Variants in MSI2 observed in about 807,000 individuals in gnomAD.
MSI2 encodes RNA-binding protein Musashi homolog 2.
In MSI2, 17 loss-of-function variants were observed where a neutral mutation model predicts 45.6. The ratio of observed to expected loss-of-function variants is 0.37; its 90% CI spans 0.26 to 0.56. The LOEUF is 0.56. Among genes scored for constraint, MSI2 ranks in the 20% least tolerant of loss-of-function variants. MSI2 has a pLI of 0.77. For missense variants in MSI2, 293 were observed against 444.2 expected, an observed-to-expected ratio of 0.66 and a Z score of 3.06; for synonymous variants, 156 against 158.2, an observed-to-expected ratio of 0.99 and a Z score of 0.11.
intron 10 of MSI2, among the ~76,000 whole-genome samples, chr17:57,633,707 G>A (rs952689751): frequency 1.3e-5 from 2 of 152,202 alleles, no homozygotes; most frequent in African/African-American, 4.8e-5. Flanking sequence ...AGCAAGTCAT[G>A]TATCCCTCCA....
intron 7 of MSI2, among the ~76,000 whole-genome samples, chr17:57,532,702 G>A (rs2086846946): frequency 6.6e-6 from 1 of 152,134 alleles, no homozygotes; most frequent in Admixed American, 6.5e-5. Context: ...TCACCTCCTC[G>A]GTTCCTGCTG....
Position 57,458,049 on chromosome 17 carries a change from A to G in MSI2, c.405+56578A>G, listed in dbSNP as rs148958569. ...ATAGATATCAGATACCATATTGCAT[A>G]TATATAAGTACATATTTTAATAAAC... On this transcript the variant is annotated intron_variant, in intron 6 of 13. Coordinates refer to ENST00000284073, the MANE Select transcript of MSI2 (RefSeq NM_138962.4). Among the ~76,000 whole-genome samples the G allele has an allele frequency of 2.3e-4, 35 of 152,164 alleles. 1 individual carries two copies. The East Asian group carries it at 6.7e-3, about 29-fold the overall frequency.
At chr17:57,452,278 G>C (rs1388144138) in intron 6 of MSI2, among the ~76,000 whole-genome samples, 1 of 152,242 alleles carries the variant, frequency 6.6e-6, no homozygotes, top group Non-Finnish European at 1.5e-5. Context: ...TCTCCACCAG[G>C]AGAGCAGGGA....
intron 5 of MSI2, among the ~76,000 whole-genome samples, chr17:57,334,445 T>C (rs1423550057): frequency 6.6e-6 from 1 of 152,148 alleles, no homozygotes; most frequent in Non-Finnish European, 1.5e-5. Flanking sequence ...GGCTGAGGAC[T>C]GGCAGGGCAG....
At chr17:57,379,943 T>C (rs2083570763) in intron 5 of MSI2, among the ~76,000 whole-genome samples, 1 of 152,250 alleles carries the variant, frequency 6.6e-6, no homozygotes, top group South Asian at 2.1e-4. Context: ...TTCTTTTTTT[T>C]GTTTTCCTTT....
chr17:57,544,803 T>G (rs557860140), intron 7 of MSI2, among the ~76,000 whole-genome samples: 1 of 152,296 alleles, frequency 6.6e-6, no homozygotes, highest in African/African-American at 2.4e-5. Flanking sequence ...TGAAGGGTGA[T>G]GTTTCTATTT....
chr17:57,568,566 T>G (rs551572147), intron 7 of MSI2, among the ~76,000 whole-genome samples: 7 of 152,364 alleles, frequency 4.6e-5, no homozygotes, highest in Non-Finnish European at 5.9e-5. Flanking sequence ...ACTTTCTTGC[T>G]GATTAATGGC....
intron 5 of MSI2, among the ~76,000 whole-genome samples, chr17:57,396,925 A>G (rs1368482427): frequency 6.6e-6 from 1 of 152,174 alleles, no homozygotes. Context: ...TCGGGTAGGT[A>G]TCTGGTGTCT....
intron 5 of MSI2, among the ~76,000 whole-genome samples, chr17:57,307,147 G>A (rs1911989552): frequency 6.6e-6 from 1 of 152,210 alleles, no homozygotes; most frequent in African/African-American, 2.4e-5. Flanking sequence ...AACCCCCTGT[G>A]ATTAATTTCA....
intron 10 of MSI2, among the ~76,000 whole-genome samples, chr17:57,639,460 G>C (rs1910082503): frequency 6.6e-6 from 1 of 152,192 alleles, no homozygotes; most frequent in Non-Finnish European, 1.5e-5. Flanking sequence ...TCAAACCCAG[G>C]GAATCCCGGA....
At chr17:57,507,225 CTGTGTGTGTGTGTGTGTGTGTG>C (rs71140002) in intron 6 of MSI2, among the ~76,000 whole-genome samples, 6 of 51,182 alleles carry the variant, frequency 1.2e-4, no homozygotes, top group East Asian at 5.2e-4. Flanking sequence ...CTTTGTCTCT[CTGTGTGTGTGTGTGTGTGTGTG>C]TGTGTGTGTG....
chr17:57,678,693 G>A (rs942758247), intron 13 of MSI2, among the ~76,000 whole-genome samples: 15 of 152,252 alleles, frequency 9.9e-5, no homozygotes, highest in African/African-American at 3.4e-4. Flanking sequence ...GGAATGGGAT[G>A]GGGGAGGCTG....
intron 10 of MSI2, among the ~76,000 whole-genome samples, chr17:57,638,865 G>A (rs575980324): frequency 1.3e-5 from 2 of 152,180 alleles, no homozygotes; most frequent in African/African-American, 4.8e-5. Flanking sequence ...TTGTGCCACT[G>A]CATTCCAGCC....
At chr17:57,484,585 C>A (rs987308646) in intron 6 of MSI2, among the ~76,000 whole-genome samples, 2 of 152,214 alleles carry the variant, frequency 1.3e-5, no homozygotes, top group African/African-American at 4.8e-5. Context: ...GCCTTAAAAA[C>A]AACTGTGTTC....
chr17:57,597,600 T>C (rs1364519527), intron 8 of MSI2, among the ~76,000 whole-genome samples: 1 of 151,934 alleles, frequency 6.6e-6, no homozygotes, highest in Admixed American at 6.6e-5. Flanking sequence ...TACTCCAGCC[T>C]GGGCAACAAA....
chr17:57,572,842 T>C (rs902600259), intron 7 of MSI2, among the ~76,000 whole-genome samples: 2 of 152,288 alleles, frequency 1.3e-5, no homozygotes, highest in African/African-American at 4.8e-5. Flanking sequence ...TGGATTCAGG[T>C]TTCTGTTGTA....
At chr17:57,663,098 AGCCCCGCCCGGCCTTAGGGCTGGGAG>A (rs1448458394) in intron 11 of MSI2, among the ~76,000 whole-genome samples, 10 of 152,062 alleles carry the variant, frequency 6.6e-5, no homozygotes, top group African/African-American at 2.4e-4. Context: ...GTCGCTGGGA[AGCCCCGCCCGGCCTTAGGGCTGGGAG>A]GGGATTGGCT....
At chr17:57,619,653 T>TGCA (rs1248875632) in intron 9 of MSI2, among the ~76,000 whole-genome samples, 4 of 152,168 alleles carry the variant, frequency 2.6e-5, no homozygotes, top group Non-Finnish European at 1.5e-5. Context: ...TGGCTTTGCC[T>TGCA]GCAGCTCGTG....
At chr17:57,653,894 A>G (rs1911375685) in intron 11 of MSI2, among the ~76,000 whole-genome samples, 1 of 147,074 alleles carries the variant, frequency 6.8e-6, no homozygotes, top group Non-Finnish European at 1.5e-5. Flanking sequence ...AGTCCCACCC[A>G]TCCCTCTAAC....
Sources: allele counts gnomAD v4.1 joint callset (sites outside exome capture counted in the v4.1 genomes callset), GRCh38; gene constraint gnomAD v4.1.1; transcripts MANE v1.5; gene names NCBI Gene and HGNC (gene_info 2026-07-23, HGNC 2026-07-21).